Variants in ERBB4 observed in about 807,000 individuals in gnomAD.
ERBB4 encodes the protein receptor tyrosine-protein kinase erbB-4.
Under a neutral mutation model 158.0 loss-of-function variants are expected in ERBB4, and 42 were observed. The ratio of observed to expected loss-of-function variants is 0.27; its 90% confidence interval spans 0.21 to 0.34. ERBB4 has a LOEUF of 0.34. Ranked by LOEUF, ERBB4 falls within the 10% of genes least tolerant of loss-of-function variation. The probability of loss-of-function intolerance (pLI) is 1.00; values close to 1 mark genes in which losing one functional copy is unlikely to be tolerated. For synonymous variants in ERBB4, 583 were observed against 558.7 expected, an observed-to-expected ratio of 1.04 and a Z score of -0.61; for missense variants, 1,333 against 1,624.1, an observed-to-expected ratio of 0.82 and a Z score of 3.08.
chr2:211,685,662 T>C (rs762209533), intron 12 of ERBB4, among the ~76,000 whole-genome samples: 1 of 152,160 alleles, frequency 6.6e-6, no homozygotes, highest in Non-Finnish European at 1.5e-5. Context: ...CAACAAACCT[T>C]TTTGATATTT....
intron 1 of ERBB4, among the ~76,000 whole-genome samples, chr2:212,523,856 A>G (rs965188215): frequency 2.6e-5 from 4 of 152,078 alleles, no homozygotes; most frequent in African/African-American, 7.2e-5. Flanking sequence ...CACCCCACAC[A>G]TGAAGGAACT....
chr2:211,604,949 ATAAT>A (rs1288855475), intron 19 of ERBB4, among the ~76,000 whole-genome samples: 1 of 152,212 alleles, frequency 6.6e-6, no homozygotes, highest in East Asian at 1.9e-4. Flanking sequence ...AAATTCCTAA[ATAAT>A]AGGAAGTTCT....
intron 1 of ERBB4, among the ~76,000 whole-genome samples, chr2:212,337,357 T>C (rs761938725): frequency 6.6e-6 from 1 of 152,128 alleles, no homozygotes. Flanking sequence ...TATATTTCAA[T>C]GCAAAGATGA....
intron 20 of ERBB4, among the ~76,000 whole-genome samples, chr2:211,453,888 A>T (rs1384593683): frequency 6.6e-6 from 1 of 152,206 alleles, no homozygotes; most frequent in Admixed American, 6.5e-5. Context: ...CTAGGAAAAA[A>T]TACTAAGCTA....
chr2:212,480,723 G>C (rs1475912796), intron 1 of ERBB4, among the ~76,000 whole-genome samples: 1 of 152,190 alleles, frequency 6.6e-6, no homozygotes, highest in East Asian at 1.9e-4. Context: ...TATGGCATAT[G>C]CCTTGAGTAT....
chr2:211,971,532 C>T (rs762389439), intron 2 of ERBB4, among the ~76,000 whole-genome samples: 121 of 151,990 alleles, frequency 8.0e-4, no homozygotes, highest in Admixed American at 2.0e-3. Context: ...TTGAGAAGGA[C>T]CTCCTCCCTA....
chr2:212,506,830 T>C (rs563083984), intron 1 of ERBB4, among the ~76,000 whole-genome samples: 4 of 152,316 alleles, frequency 2.6e-5, no homozygotes, highest in African/African-American at 9.6e-5. Flanking sequence ...TGATGTAGAA[T>C]CTGCAGCAAG....
chr2:211,686,950 G>A (rs2072581534), intron 12 of ERBB4, among the ~76,000 whole-genome samples: 1 of 151,980 alleles, frequency 6.6e-6, no homozygotes, highest in African/African-American at 2.4e-5. Context: ...TTTTATAGGT[G>A]GGCAGAGTCA....
At chr2:212,044,174 A>G (rs1210429720) in intron 2 of ERBB4, among the ~76,000 whole-genome samples, 1 of 152,110 alleles carries the variant, frequency 6.6e-6, no homozygotes. Context: ...TTTTTCCATG[A>G]TACCATTTTA....
intron 9 of ERBB4, among the ~76,000 whole-genome samples, chr2:211,707,200 T>C (rs1182555061): frequency 1.3e-5 from 2 of 152,302 alleles, no homozygotes; most frequent in East Asian, 3.9e-4. Flanking sequence ...AATTCTGGAA[T>C]GTTAACATGA....
At chr2:211,691,745 G>T (rs1038838675) in intron 12 of ERBB4, among the ~76,000 whole-genome samples, 1 of 151,990 alleles carries the variant, frequency 6.6e-6, no homozygotes, top group Non-Finnish European at 1.5e-5. Context: ...AAGGCAAAGG[G>T]GTGGGGGAAA....
At chr2:211,528,857 A>G (rs1366586641) in intron 20 of ERBB4, among the ~76,000 whole-genome samples, 2 of 152,126 alleles carry the variant, frequency 1.3e-5, no homozygotes, top group Non-Finnish European at 2.9e-5. Flanking sequence ...CAATGAAAGC[A>G]GTACTAAGAA....
intron 1 of ERBB4, among the ~76,000 whole-genome samples, chr2:212,154,155 C>A (rs547146580): frequency 6.6e-6 from 1 of 152,214 alleles, no homozygotes; most frequent in South Asian, 2.1e-4. Context: ...TGAATGAATT[C>A]TTTCAGCAAC....
At chr2:212,180,839 G>C (rs1469643060) in intron 1 of ERBB4, among the ~76,000 whole-genome samples, 1 of 151,636 alleles carries the variant, frequency 6.6e-6, no homozygotes, top group Non-Finnish European at 1.5e-5. Flanking sequence ...GACATTTAGT[G>C]AATGTTTACT....
At chr2:211,888,944 A>C (rs1462762827) in intron 3 of ERBB4, among the ~76,000 whole-genome samples, 2 of 151,354 alleles carry the variant, frequency 1.3e-5, no homozygotes, top group Non-Finnish European at 2.9e-5. Context: ...TCTGAGATCA[A>C]ACTGCAAGGC....
chr2:212,391,020 A>G (rs548316432), intron 1 of ERBB4, among the ~76,000 whole-genome samples: 13 of 151,816 alleles, frequency 8.6e-5, no homozygotes, highest in Non-Finnish European at 1.6e-4. Flanking sequence ...TGAAAGTGAG[A>G]TAGCATATAA....
At chr2:211,665,746 TA>T (rs1247022054) in intron 14 of ERBB4, among the ~76,000 whole-genome samples, 1 of 152,210 alleles carries the variant, frequency 6.6e-6, no homozygotes, top group Non-Finnish European at 1.5e-5. Context: ...CTTTTCGACA[TA>T]AGCAGTTCCT....
chr2:211,751,452 G>T (rs2075127536), intron 4 of ERBB4, among the ~76,000 whole-genome samples: 1 of 152,046 alleles, frequency 6.6e-6, no homozygotes, highest in Admixed American at 6.5e-5. Flanking sequence ...GAATTTCATA[G>T]ATTCACTCTA....
intron 4 of ERBB4, among the ~76,000 whole-genome samples, chr2:211,773,390 T>C (rs1260197425): frequency 6.6e-6 from 1 of 151,192 alleles, no homozygotes; most frequent in Non-Finnish European, 1.5e-5. Flanking sequence ...TACATACAAA[T>C]GAATTTTTTA....
Sources: gnomAD v4.1 joint callset for allele counts (sites outside exome capture counted in the v4.1 genomes callset) on GRCh38, gnomAD v4.1.1 for gene constraint, MANE v1.5 for transcripts, NCBI Gene and HGNC (gene_info 2026-07-23, HGNC 2026-07-21) for gene names.